The following FIBCD1 variants were observed in gnomAD, a reference collection of about 807,000 sequenced individuals.
FIBCD1 encodes fibrinogen C domain containing 1, also known as fibrinogen C domain-containing protein 1.
A neutral mutation model predicts 45.1 loss-of-function variants in FIBCD1; 47 were observed. That is an observed-to-expected ratio of 1.04 (90% confidence interval 0.82 to 1.33). FIBCD1 has a LOEUF of 1.33. FIBCD1 is among the 40% of genes most tolerant of loss of function. The pLI, the probability that FIBCD1 is intolerant of heterozygous loss-of-function variation, is 0.00. For missense variants in FIBCD1, 653 were observed against 682.2 expected, an observed-to-expected ratio of 0.96 and a Z score of 0.48; for synonymous variants, 313 against 308.1, an observed-to-expected ratio of 1.02 and a Z score of -0.17.
chr9:130,924,535 C>T, intron 2 of FIBCD1, 139 bp from the exon 3 acceptor site: 2 of 795,640 alleles, frequency 2.5e-6, no homozygotes, highest in Admixed American at 2.9e-5. Flanking sequence ...CCCTGCCCTG[C>T]CCCTTGGGTC....
chr9:130,920,413 C>A (rs956153720), intron 4 of FIBCD1, among the ~76,000 whole-genome samples: 4 of 152,184 alleles, frequency 2.6e-5, no homozygotes, highest in Admixed American at 2.0e-4. Flanking sequence ...TTGTCCCCAT[C>A]TGCAGAGCGG....
rs1469647538 is a variant in FIBCD1, at chr9:130,929,873, C to T, written c.246G>A (p.Val82=). The change falls in exon 2 of 7, where the codon GTG becomes GTA. Residue 82 remains valine (V), a synonymous_variant. Transcript: ENST00000372338. The part of the protein sequence containing the change: ...AASANSALVT[V]ERADSSHLSI... Reference sequence around the variant, plus strand: ...TGAGGTGCGAGCTGTCCGCCCTTTCCACAGTGACCAGGGCGCTGTTGGCGC... The same window carrying T: ...TGAGGTGCGAGCTGTCCGCCCTTTCTACAGTGACCAGGGCGCTGTTGGCGC... 2 of 1,549,628 alleles carry T rather than the reference C, an allele frequency of 1.3e-6. No individual in the cohort carries two copies. Among genetic ancestry groups the T allele is most frequent in the East Asian group, 4.9e-5 (2 of 40,916 alleles).
At position 130,929,953 on chromosome 9, in the gene FIBCD1, G is replaced by A. The variant is rs1832419995; in HGVS notation, c.166C>T (p.His56Tyr). 3.9e-6 allele frequency: 6 copies of A among 1,549,248 alleles called. No individual in the cohort carries two copies. Among genetic ancestry groups the A allele is most frequent in the South Asian group, 1.2e-5 (1 of 83,878 alleles). The change falls in exon 2 of 7, where the codon CAC becomes TAC. Residue 56 changes from histidine (H) to tyrosine (Y), a missense_variant. Coordinates refer to ENST00000372338, the MANE Select transcript of FIBCD1 (RefSeq NM_032843.5). Reference sequence around the variant, plus strand: ...GGCGCCGTGCCCGGCGCGTGGGCGTGGTTCAGGAAGAGCACGGCACCGGTG... The same window carrying A: ...GGCGCCGTGCCCGGCGCGTGGGCGTAGTTCAGGAAGAGCACGGCACCGGTG... Reference protein sequence around the residue: ...AVTGAVLFLNHAHAPGTAPPP... With the variant: ...AVTGAVLFLNYAHAPGTAPPP...
rs1297731362 is a variant in FIBCD1 at position 130,905,394 on chromosome 9, G to A, written c.966C>T (p.Ala322=). 4 of 1,613,458 alleles carry A rather than the reference G, an allele frequency of 2.5e-6. No individual in the cohort carries two copies. The highest frequency in any genetic ancestry group is 3.4e-6 in the Non-Finnish European group (4 of 1,179,670). Residue 322 remains alanine (A), a synonymous_variant, in exon 6 of 7, where the codon GCC becomes GCT. Transcript: ENST00000372338. The part of the protein sequence containing the change: ...EHWLGLKRIH[A]LTTQAAYELH... ...GCTCGTAGGCAGCCTGTGTGGTCAG[G>A]GCGTGGATCCTCTTGAGCCCTGAAG... is the stretch of plus-strand genomic sequence containing the variant.
chr9:130,915,480 ATC>A (rs1381782939), intron 4 of FIBCD1, among the ~76,000 whole-genome samples: 1 of 152,216 alleles, frequency 6.6e-6, no homozygotes, highest in Non-Finnish European at 1.5e-5. Context: ...AGGCAGGCAG[ATC>A]TCCTGAGGTC....
chr9:130,939,707 C>T (rs1832586812), upstream of FIBCD1, among the ~76,000 whole-genome samples: 1 of 152,124 alleles, frequency 6.6e-6, no homozygotes, highest in African/African-American at 2.4e-5. Context: ...TGGTCCCAGC[C>T]CCCGCCTTCT....
In FIBCD1 at chr9:130,926,807, C is replaced by T. The variant is rs761437337; in HGVS notation, c.553-2411G>A. 5.3e-5 allele frequency among the ~76,000 whole-genome samples: 8 copies of T among 151,762 alleles called. No individual in the cohort carries two copies. Among genetic ancestry groups the T allele is most frequent in the Non-Finnish European group, 8.8e-5 (6 of 67,982 alleles). On this transcript the variant is annotated intron_variant, in intron 2 of 6. Coordinates refer to ENST00000372338, the MANE Select transcript of FIBCD1 (RefSeq NM_032843.5). The surrounding 1 kb of genome is among the most constrained non-coding windows in gnomAD (Gnocchi z 4.1). ...ACTGCACTCCAGCTGGGTGACAGAG[C>T]GAGACAACCGTGTCTCAAAAAATAA...
At chr9:130,905,079 T>C (rs1331861111) in intron 6 of FIBCD1, among the ~76,000 whole-genome samples, 155 bp downstream of exon 6, 24 of 152,192 alleles carry the variant, frequency 1.6e-4, no homozygotes, top group Non-Finnish European at 3.2e-4. Context: ...GTGGGGTTGG[T>C]AGTTTATCAA....
intron 3 of FIBCD1, 149 bp from the exon 4 acceptor site, chr9:130,924,029 CTCCCTGCTGT>C: frequency 1.5e-6 from 2 of 1,364,750 alleles, no homozygotes; most frequent in Non-Finnish European, 2.0e-6. Flanking sequence ...GGCTCTGCCA[CTCCCTGCTGT>C]GGCTGGGTGA....
At chr9:130,920,532 C>T (rs1328764448) in intron 4 of FIBCD1, among the ~76,000 whole-genome samples, 1 of 152,140 alleles carries the variant, frequency 6.6e-6, no homozygotes, top group Non-Finnish European at 1.5e-5. Flanking sequence ...TTAGAGAGTG[C>T]CGAGGGTGTG....
intron 1 of FIBCD1, among the ~76,000 whole-genome samples, chr9:130,930,969 C>T (rs1015724913): frequency 6.6e-6 from 1 of 152,146 alleles, no homozygotes; most frequent in Non-Finnish European, 1.5e-5. Flanking sequence ...AGCCACATCC[C>T]GTGTTCTGTC....
chr9:130,911,665 T>G lies in FIBCD1; in HGVS notation c.946+127A>C, dbSNP rs535024810. On this transcript the variant is annotated intron_variant, in intron 5 of 6. Coordinates refer to ENST00000372338, the MANE Select transcript of FIBCD1 (RefSeq NM_032843.5). ...ACCTTCATGCATGACACCTGTGAGC[T>G]GGCTCAGGTGTGCCGAGGCCAGGGA... 4 of 731,372 alleles carry G rather than the reference T, an allele frequency of 5.5e-6. No homozygotes were observed. In the East Asian group the frequency reaches 1.1e-4, roughly 20 times the overall value. 45.3% of individuals were successfully genotyped at this position (731,372 alleles called of 1,614,324 possible).
chr9:130,905,352 C>G lies in FIBCD1; in HGVS notation c.1008G>C (p.Glu336Asp), dbSNP rs1414895335. ...CATAGGCCGTGCCATTCTCAAAGTCCTCCAGGTCCACGTGCAGCTCGTAGG... is the reference window on the plus strand; with the variant it reads ...CATAGGCCGTGCCATTCTCAAAGTCGTCCAGGTCCACGTGCAGCTCGTAGG... ...QAAYELHVDL[E>D]DFENGTAYAR... Residue 336 changes from glutamate to aspartate, a missense_variant, in exon 6 of 7, where the codon GAG becomes GAC. By Grantham distance (45) the Glu-to-Asp change is conservative (BLOSUM62 2). Transcript: ENST00000372338. 3.1e-6 allele frequency: 5 copies of G among 1,613,924 alleles called. No individual in the cohort carries two copies. In the African/African-American group the frequency reaches 6.7e-5, roughly 22 times the overall value.
At chr9:130,916,881 T>C (rs1300836331) in intron 4 of FIBCD1, among the ~76,000 whole-genome samples, 1 of 152,226 alleles carries the variant, frequency 6.6e-6, no homozygotes, top group African/African-American at 2.4e-5. Flanking sequence ...GCACATCACT[T>C]GAGGTCAGGA....
At chr9:130,929,124 G>T (rs549566274) in intron 2 of FIBCD1, among the ~76,000 whole-genome samples, 3 of 152,168 alleles carry the variant, frequency 2.0e-5, no homozygotes, top group Non-Finnish European at 2.9e-5. Flanking sequence ...TGAACTGGGA[G>T]GGGGTATGGA....
At chr9:130,904,368 C>A in intron 6 of FIBCD1, 45 bp from the exon 7 acceptor site, 1 of 1,558,608 alleles carries the variant, frequency 6.4e-7, no homozygotes, top group East Asian at 2.3e-5. Context: ...GGCACGGGTA[C>A]ACCCACTGGT....
At chr9:130,912,461 C>T (rs1025146554) in intron 4 of FIBCD1, among the ~76,000 whole-genome samples, 35 of 146,890 alleles carry the variant, frequency 2.4e-4, no homozygotes, top group Non-Finnish European at 3.4e-4. Context: ...AATCCCAGAA[C>T]TTTGGGAGGC....
rs1401774258 is a variant in FIBCD1 at position 130,938,877 on chromosome 9, C to A, written c.-270G>T. 1.3e-5 allele frequency: 2 copies of A among 153,660 alleles called. No individual in the cohort carries two copies. Among genetic ancestry groups the A allele is most frequent in the African/African-American group, 4.8e-5 (2 of 41,422 alleles). 9.5% of individuals were successfully genotyped at this position (153,660 alleles called of 1,614,324 possible). ...CCGTCCCCGCTCCCGGCTCCGGCGC[C>A]TCCCCGGCGCGCTCCTCTCTCTCCT... On this transcript the variant is annotated 5_prime_UTR_variant, in exon 1 of 7. In the 5' UTR this introduces an upstream ATG that the reference lacks. Transcript: ENST00000372338.
intron 1 of FIBCD1, among the ~76,000 whole-genome samples, chr9:130,934,175 C>G (rs1249983498): frequency 6.6e-6 from 1 of 152,142 alleles, no homozygotes; most frequent in East Asian, 1.9e-4. Flanking sequence ...CTCCTGTCTC[C>G]CCAGGAGCCC....
Sources: allele counts gnomAD v4.1 joint callset (sites outside exome capture counted in the v4.1 genomes callset), GRCh38; gene constraint gnomAD v4.1.1; non-coding constraint Gnocchi (gnomAD v3.1); transcripts MANE v1.5; gene names NCBI Gene and HGNC (gene_info 2026-07-23, HGNC 2026-07-21).